The following SIAH3 variants were observed in gnomAD, a reference collection of about 807,000 sequenced individuals.
SIAH3 encodes the protein siah E3 ubiquitin protein ligase family member 3, also known as seven in absentia homolog 3.
Under a neutral mutation model 12.6 loss-of-function variants are expected in SIAH3, and 9 were observed. That is an observed-to-expected ratio of 0.72 (90% CI 0.43 to 1.25). SIAH3 has a LOEUF of 1.25. SIAH3 is among the 50% of genes most tolerant of loss of function. The probability of loss-of-function intolerance (pLI) is 0.00; values close to 1 mark genes in which losing one functional copy is unlikely to be tolerated. For synonymous variants in SIAH3, 154 were observed against 151.1 expected (o/e 1.02, Z -0.14); for missense variants, 390 against 365.4 (o/e 1.07, Z -0.55).
At chr13:45,810,788 C>A (rs990499824) in intron 1 of SIAH3, among the ~76,000 whole-genome samples, 3 of 152,188 alleles carry the variant, frequency 2.0e-5, no homozygotes, top group African/African-American at 7.2e-5. Flanking sequence ...AGGCAAACAT[C>A]CCCTGCTTCT....
At chr13:45,828,689 G>A (rs1037101495) in intron 1 of SIAH3, among the ~76,000 whole-genome samples, 1 of 152,186 alleles carries the variant, frequency 6.6e-6, no homozygotes, top group Non-Finnish European at 1.5e-5. Context: ...GCCTCTTTCA[G>A]GGGGCCCGAG....
intron 1 of SIAH3, among the ~76,000 whole-genome samples, chr13:45,849,339 T>A (rs775716630): frequency 6.6e-6 from 1 of 152,378 alleles, no homozygotes; most frequent in African/African-American, 2.4e-5. Flanking sequence ...TCTCAAAGCA[T>A]ACGTCATCCA....
At chr13:45,823,727 G>A (rs1425126158) in intron 1 of SIAH3, among the ~76,000 whole-genome samples, 2 of 152,212 alleles carry the variant, frequency 1.3e-5, no homozygotes, top group African/African-American at 4.8e-5. Context: ...AAGGTCAAAA[G>A]ATGCAAAGGC....
At chr13:45,819,363 C>T (rs1292882507) in intron 1 of SIAH3, among the ~76,000 whole-genome samples, 2 of 152,312 alleles carry the variant, frequency 1.3e-5, no homozygotes, top group East Asian at 3.9e-4. Flanking sequence ...GAACAGTGTG[C>T]ACCCATTCAC....
rs1252138038 is a variant in SIAH3 at position 45,829,160 on chromosome 13, C to T, written c.135+22335G>A. ...GGAGTAAATTGAGGTTTCAAAGGAT[C>T]AGTAACTTGGCTCAAGGGCATAGAG... On this transcript the variant is annotated intron_variant, in intron 1 of 1. Coordinates refer to ENST00000400405, the MANE Select transcript of SIAH3 (RefSeq NM_198849.3). 2.6e-5 allele frequency among the ~76,000 whole-genome samples: 4 copies of T among 152,298 alleles called. 1 individual carries two copies. The Middle Eastern group carries it at 0.01, about 389-fold the overall frequency.
chr13:45,812,377 C>T (rs182513689), intron 1 of SIAH3, among the ~76,000 whole-genome samples: 5 of 152,330 alleles, frequency 3.3e-5, no homozygotes, highest in Admixed American at 2.0e-4. Flanking sequence ...CAGGCTAGGA[C>T]ACAGCCAGCA....
Position 45,851,577 on chromosome 13 carries a change from C to T in SIAH3, c.53G>A (p.Arg18Gln), listed in dbSNP as rs749088974. The T allele has an allele frequency of 3.3e-5, 54 of 1,613,990 alleles. No individual in the cohort carries two copies. Among genetic ancestry groups the T allele is most frequent in the African/African-American group, 5.3e-5 (4 of 74,880 alleles). The change falls in exon 1 of 2, where the codon CGG becomes CAG. Residue 18 changes from arginine (R) to glutamine (Q), a missense_variant. Physicochemically the swap from Arg to Gln is conservative, Grantham distance 43. Coordinates refer to ENST00000400405, the MANE Select transcript of SIAH3 (RefSeq NM_198849.3). ...FGAVLDLIHL[R>Q]FQHYKAKRVF... ...CCGTTTAGCCTTGTAGTGCTGAAAC[C>T]GGAGATGAATGAGATCTAATACAGC...
At chr13:45,834,357 G>A (rs2137578874) in intron 1 of SIAH3, among the ~76,000 whole-genome samples, 1 of 152,316 alleles carries the variant, frequency 6.6e-6, no homozygotes, top group Admixed American at 6.5e-5. Flanking sequence ...TGAAGGCCCA[G>A]CAATCACACA....
At chr13:45,846,388 C>G (rs954189933) in intron 1 of SIAH3, among the ~76,000 whole-genome samples, 2 of 152,078 alleles carry the variant, frequency 1.3e-5, no homozygotes, top group Non-Finnish European at 2.9e-5. Context: ...CCGCACCTGA[C>G]CTAGAAGACC....
At chr13:45,822,183 G>A (rs1027041231) in intron 1 of SIAH3, among the ~76,000 whole-genome samples, 1 of 152,062 alleles carries the variant, frequency 6.6e-6, no homozygotes, top group Non-Finnish European at 1.5e-5. Context: ...AAGACACTGG[G>A]GTCTCAATGC....
At chr13:45,812,144 A>G (rs960421511) in intron 1 of SIAH3, among the ~76,000 whole-genome samples, 2 of 152,250 alleles carry the variant, frequency 1.3e-5, no homozygotes, top group Non-Finnish European at 2.9e-5. Flanking sequence ...AAGAACTTCC[A>G]GGTGATGCCC....
chr13:45,836,934 C>A (rs9316170), intron 1 of SIAH3, among the ~76,000 whole-genome samples: 15,858 of 152,120 alleles, frequency 0.1, 1,185 homozygotes, highest in African/African-American at 0.2. Context: ...ACCCAGGTGA[C>A]CTCAGAGAGT....
rs573692833 is a variant in SIAH3, at chr13:45,787,156, A to T, written c.136-3099T>A. Reference sequence around the variant, plus strand: ...GATGGCTCCCTTTGAAAGTGGTGCTAGGTCAGGTGGATGGGTGAAGACGGG... The same window carrying T: ...GATGGCTCCCTTTGAAAGTGGTGCTTGGTCAGGTGGATGGGTGAAGACGGG... On this transcript the variant is annotated intron_variant, in intron 1 of 1. Coordinates refer to ENST00000400405, the MANE Select transcript of SIAH3 (RefSeq NM_198849.3). Among the ~76,000 whole-genome samples the T allele has an allele frequency of 5.9e-5, 9 of 152,180 alleles. No homozygotes were observed. In the South Asian group the frequency reaches 1.9e-3, roughly 32 times the overall value.
rs1566085741 is a variant in SIAH3, at chr13:45,783,957, T to C, written c.236A>G (p.His79Arg). ...GGGGTGGGCGTGGTGGCGGAGGTGG[T>C]GGTGGTGGCGGTGGTGGCAGTGGTG... is the stretch of plus-strand genomic sequence containing the variant. Reference protein sequence around the residue: ...SHHHCHHRHHHHLRHHAHPHH... With the variant: ...SHHHCHHRHHRHLRHHAHPHH... The change falls in exon 2 of 2, where the codon CAC (histidine) becomes CGC (arginine). Residue 79 changes from histidine (H) to arginine (R), a missense_variant. Transcript: ENST00000400405. The C allele has an allele frequency of 8.7e-6, 14 of 1,604,920 alleles. No homozygotes were observed. In the African/African-American group the frequency reaches 1.1e-4, roughly 12 times the overall value.
At chr13:45,797,682 C>A (rs1005361078) in intron 1 of SIAH3, among the ~76,000 whole-genome samples, 9 of 152,152 alleles carry the variant, frequency 5.9e-5, no homozygotes, top group African/African-American at 1.9e-4. Context: ...TGAGATTCTG[C>A]ATTTCTAACC....
chr13:45,791,623 G>T (rs1043726601), intron 1 of SIAH3, among the ~76,000 whole-genome samples: 1 of 152,182 alleles, frequency 6.6e-6, no homozygotes, highest in Non-Finnish European at 1.5e-5. Flanking sequence ...CTGACCAAGA[G>T]GAGGGTACTG....
intron 1 of SIAH3, among the ~76,000 whole-genome samples, chr13:45,808,181 T>C (rs1050618705): frequency 1.3e-5 from 2 of 152,222 alleles, no homozygotes; most frequent in Non-Finnish European, 2.9e-5. Context: ...TTGTTGATTT[T>C]CTAGAGTAGA....
At chr13:45,785,140 C>A (rs183723920) in intron 1 of SIAH3, among the ~76,000 whole-genome samples, 2 of 152,220 alleles carry the variant, frequency 1.3e-5, no homozygotes, top group East Asian at 3.9e-4. Flanking sequence ...AAGAGCACAC[C>A]CCCATCCAGT....
rs1950490599 is a variant in SIAH3, at chr13:45,778,082, C to G, written c.*5301G>C. On this transcript the variant is annotated 3_prime_UTR_variant, in exon 2 of 2. Transcript: ENST00000400405. ...GGAAAGTAAGGCCCGGGGCCCTGTT[C>G]TTCATGTGACATTCCTTGGCTCATT... 6.6e-6 allele frequency: 1 copy of G among 152,204 alleles called. No individual in the cohort carries two copies. The highest frequency in any genetic ancestry group is 2.1e-4 in the South Asian group (1 of 4,830). 9.4% of individuals were successfully genotyped at this position (152,204 alleles called of 1,614,324 possible). A position where few individuals can be genotyped will look rare whatever the true frequency, so the allele number is the denominator to read the frequency against.
Sources: allele counts gnomAD v4.1 joint callset (sites outside exome capture counted in the v4.1 genomes callset), GRCh38; gene constraint gnomAD v4.1.1; transcripts MANE v1.5; gene names NCBI Gene and HGNC (gene_info 2026-07-23, HGNC 2026-07-21).